The following PDS5B variants were observed in gnomAD, a reference collection of about 807,000 sequenced individuals.
PDS5B encodes sister chromatid cohesion protein PDS5 homolog B.
Under a neutral mutation model 184.1 loss-of-function variants are expected in PDS5B, and 51 were observed. The observed-to-expected ratio is 0.28, with a 90% CI of 0.22 to 0.35. PDS5B has a LOEUF of 0.35. Ranked by LOEUF, PDS5B falls within the 10% of genes least tolerant of loss-of-function variation. The pLI is 1.00. For synonymous variants in PDS5B, 566 were observed against 569.2 expected, an observed-to-expected ratio of 0.99 and a Z score of 0.08; for missense variants, 1,180 against 1,723.3, an observed-to-expected ratio of 0.68 and a Z score of 5.58.
At chr13:32,691,201 A>G (rs1410699528) in intron 13 of PDS5B, 1 of 151,948 alleles carries the variant, frequency 6.6e-6, no homozygotes, top group African/African-American at 2.4e-5. Context: ...ATGTGTATAT[A>G]TGTGTATCCC....
rs896687845 is a variant in PDS5B, at chr13:32,621,935, A to G, written c.-19-26819A>G. ...AAAAGTTTGCCAGTCTCTGGTTTGA[A>G]CTATTCTTTATCTATCATTCTTTCA... On this transcript the variant is annotated intron_variant, in intron 1 of 34. Coordinates refer to ENST00000315596, the MANE Select transcript of PDS5B (RefSeq NM_015032.4). 9.9e-5 allele frequency among the ~76,000 whole-genome samples: 15 copies of G among 152,046 alleles called. 1 individual carries two copies. Among genetic ancestry groups the G allele is most frequent in the African/African-American group, 3.1e-4 (13 of 41,396 alleles).
intron 1 of PDS5B, among the ~76,000 whole-genome samples, chr13:32,627,201 G>A (rs1166584127): frequency 2.6e-5 from 4 of 152,184 alleles, no homozygotes; most frequent in African/African-American, 9.7e-5. Context: ...CTCAGTGCCT[G>A]TGAATTTGCT....
At chr13:32,658,167 C>A in intron 3 of PDS5B, 72 bp from the exon 4 acceptor site, 1 of 753,882 alleles carries the variant, frequency 1.3e-6, no homozygotes, top group Non-Finnish European at 2.3e-6. Flanking sequence ...GCTGAATAAA[C>A]TCTTGGAGTT....
intron 26 of PDS5B, 109 bp downstream of exon 26, chr13:32,756,065 TAGGTGTTTA>T: frequency 1.6e-6 from 1 of 620,572 alleles, no homozygotes; most frequent in Non-Finnish European, 2.9e-6. Context: ...TTTCATTTCT[TAGGTGTTTA>T]AGGTTCTTTA....
At chr13:32,659,378 CT>C in intron 6 of PDS5B, 98 bp downstream of exon 6, 2 of 835,870 alleles carry the variant, frequency 2.4e-6, no homozygotes, top group Non-Finnish European at 3.4e-6. Flanking sequence ...CTGCTTTAAT[CT>C]TTTAGAGAAT....
Position 32,588,376 on chromosome 13 carries a change from A to G in PDS5B, c.-20+1783A>G, listed in dbSNP as rs151196991. ...ATTATTCCTTATAAATAAAATTTGT[A>G]CTTAATATACATTTACAAATATGTC... On this transcript the variant is annotated intron_variant, in intron 1 of 34. Transcript: ENST00000315596. 9.2e-3 allele frequency among the ~76,000 whole-genome samples: 1,397 copies of G among 152,334 alleles called. 29 individuals are homozygous for G. Among genetic ancestry groups the G allele is most frequent in the African/African-American group, 0.032 (1,345 of 41,566 alleles).
chr13:32,636,185 G>A (rs1388877107), intron 1 of PDS5B, among the ~76,000 whole-genome samples: 1 of 152,222 alleles, frequency 6.6e-6, no homozygotes, highest in Non-Finnish European at 1.5e-5. Flanking sequence ...CTGTATGCGA[G>A]TTCGTCAGCT....
intron 17 of PDS5B, 48 bp downstream of exon 17, chr13:32,701,486 T>A (rs1328496628): frequency 8.8e-7 from 1 of 1,136,376 alleles, no homozygotes; most frequent in African/African-American, 1.5e-5. Flanking sequence ...CATTAATGTG[T>A]ACATTCAGGA....
intron 14 of PDS5B, among the ~76,000 whole-genome samples, chr13:32,695,156 A>G (rs1337350006): frequency 4.0e-5 from 6 of 151,792 alleles, no homozygotes; most frequent in African/African-American, 7.3e-5. Context: ...CCCTCTCACT[A>G]TTTTTTTAAA....
chr13:32,603,308 C>A (rs1004375192), intron 1 of PDS5B, among the ~76,000 whole-genome samples: 3 of 152,222 alleles, frequency 2.0e-5, no homozygotes, highest in Admixed American at 2.0e-4. Context: ...CAGCTTTCTA[C>A]ATATGGGCTA....
chr13:32,631,106 CT>C (rs980228989), intron 1 of PDS5B, among the ~76,000 whole-genome samples: 1 of 135,000 alleles, frequency 7.4e-6, no homozygotes, highest in Non-Finnish European at 1.6e-5. Context: ...TCTATTGATT[CT>C]TTTTTTCTTT....
chr13:32,732,288 T>C (rs1021912741), intron 20 of PDS5B, 64 bp downstream of exon 20: 1 of 1,145,844 alleles, frequency 8.7e-7, no homozygotes, highest in African/African-American at 1.6e-5. Flanking sequence ...ATATTGATGA[T>C]TTTATGGAAT....
chr13:32,602,173 A>G (rs2057986370), intron 1 of PDS5B, among the ~76,000 whole-genome samples: 1 of 151,974 alleles, frequency 6.6e-6, no homozygotes, highest in East Asian at 1.9e-4. Context: ...TACATATACC[A>G]TGTTGGTGTG....
In PDS5B at chr13:32,741,098, A is replaced by G. The variant is rs765682907; in HGVS notation, c.2425A>G (p.Thr809Ala). ...MNDRLPGKKT[T>A]KLWVPDEEVS... ...TTTTTAGCTTCCAGGGAAAAAGACA[A>G]CTAAACTTTGGGTTCCAGATGAAGA... Residue 809 changes from threonine (T) to alanine (A), a missense_variant, in exon 22 of 35, where the codon ACT (threonine) becomes GCT (alanine). By Grantham distance (58) the Thr-to-Ala change is moderately conservative (BLOSUM62 0). Transcript: ENST00000315596. 6.3e-7 allele frequency: 1 copy of G among 1,579,528 alleles called. No homozygotes were observed. The highest frequency in any genetic ancestry group is 8.7e-7 in the Non-Finnish European group (1 of 1,153,462).
At chr13:32,732,070 T>G in intron 19 of PDS5B, 31 bp from the exon 20 acceptor site, 1 of 1,564,358 alleles carries the variant, frequency 6.4e-7, no homozygotes, top group Non-Finnish European at 8.7e-7. Flanking sequence ...TTTTTCTGGT[T>G]TATTGTTTTT....
At chr13:32,642,469 C>T (rs899778702) in intron 1 of PDS5B, among the ~76,000 whole-genome samples, 2 of 152,070 alleles carry the variant, frequency 1.3e-5, no homozygotes, top group African/African-American at 4.8e-5. Context: ...CCTAGCTCTG[C>T]CTGGTTGAGG....
rs771618356 is a variant in PDS5B, at chr13:32,755,801, CTTTTGTTTTT to C, written c.2942-32_2942-23del. ...TGTTTTGTTTTGTTTTTTGCTTTTT[CTTTTGTTTTT>C]TTTTGTTTGTTTGTTTGTTTTCTTT... On this transcript the variant is annotated intron_variant, in intron 25 of 34. Transcript: ENST00000315596. 9.2e-5 allele frequency: 92 copies of C among 999,024 alleles called. 4 individuals carry two copies. The South Asian group carries it at 1.5e-3, about 17-fold the overall frequency. The allele number at this position is 999,024 out of a possible 1,614,324, so 61.9% of individuals were successfully genotyped here.
intron 1 of PDS5B, among the ~76,000 whole-genome samples, chr13:32,598,231 C>T (rs887127202): frequency 1.1e-4 from 17 of 151,782 alleles, no homozygotes; most frequent in African/African-American, 4.1e-4. Flanking sequence ...CGCCACCACG[C>T]CCAGCAAATT....
intron 1 of PDS5B, among the ~76,000 whole-genome samples, chr13:32,615,170 A>G (rs1019479883): frequency 1.3e-5 from 2 of 152,170 alleles, no homozygotes; most frequent in Admixed American, 6.5e-5. Flanking sequence ...TTATAACTTG[A>G]TATAAATTGA....
Sources: allele counts gnomAD v4.1 joint callset (sites outside exome capture counted in the v4.1 genomes callset), GRCh38; gene constraint gnomAD v4.1.1; transcripts MANE v1.5; gene names NCBI Gene and HGNC (gene_info 2026-07-23, HGNC 2026-07-21).